CLEC20A: variants seen among roughly 807,000 people sequenced by gnomAD.
The protein encoded by CLEC20A is C-type lectin domain containing 20A, also known as putative C-type lectin domain family 20 member A.
exon 7 of CLEC20A, chr1:178,482,345 G>A (rs1013714773): frequency 7.5e-6 from 3 of 398,468 alleles, no homozygotes; most frequent in Non-Finnish European, 1.3e-5. Context: ...TCTCTTCTGG[G>A]TCCATCAGAG....
intron 7 of CLEC20A, chr1:178,481,546 GTATT>G (rs1648986864): frequency 6.6e-6 from 1 of 152,154 alleles, no homozygotes; most frequent in Non-Finnish European, 1.5e-5. Flanking sequence ...TTTTCTCTCA[GTATT>G]TAGGAACAAT....
intron 1 of CLEC20A, 154 bp downstream of exon 1, chr1:178,496,746 C>A (rs1649403496): frequency 5.0e-6 from 2 of 397,870 alleles, no homozygotes; most frequent in East Asian, 7.1e-5. Context: ...CCCTTCCCAA[C>A]CCTGTTCTGA....
intron 7 of CLEC20A, chr1:178,481,376 C>T (rs1214696620): frequency 6.6e-6 from 1 of 152,110 alleles, no homozygotes; most frequent in Non-Finnish European, 1.5e-5. Context: ...GAATAAATTG[C>T]AATGAACTAA....
At chr1:178,492,350 A>G (rs971341939) in intron 3 of CLEC20A, among the ~76,000 whole-genome samples, 151 bp downstream of exon 3, 3 of 152,190 alleles carry the variant, frequency 2.0e-5, no homozygotes, top group African/African-American at 7.2e-5. Flanking sequence ...AGGGGGCAGC[A>G]AATTCTGGAA....
At chr1:178,497,800 T>C (rs1310784351), upstream of CLEC20A, among the ~76,000 whole-genome samples, 1 of 152,038 alleles carries the variant, frequency 6.6e-6, no homozygotes, top group Non-Finnish European at 1.5e-5. Context: ...GCAACATGGA[T>C]CTGGTAATTA....
rs552791387 is a variant in CLEC20A at position 178,493,664 on chromosome 1, A to C, written c.397+790T>G. On this transcript the variant is annotated intron_variant, in intron 2 of 7. Transcript: ENST00000623247. ...GGATTTCCCGCAAAGATGCCCGAAG[A>C]GTTGGCTCCCACTGCCCACTTAGCG... 3 of 152,410 alleles carry C rather than the reference A, an allele frequency of 2.0e-5. No homozygotes were observed. In the East Asian group the frequency reaches 5.8e-4, roughly 29 times the overall value. The allele number at this position is 152,410 out of a possible 1,614,324, so 9.4% of individuals were successfully genotyped here.
chr1:178,499,502 G>C (rs1649481800), upstream of CLEC20A: 1 of 127,830 alleles, frequency 7.8e-6, no homozygotes. Flanking sequence ...AGAAGAACAC[G>C]GAAAAACTAG....
At chr1:178,484,742 G>A (rs1649091104) in intron 5 of CLEC20A, 1 of 152,180 alleles carries the variant, frequency 6.6e-6, no homozygotes, top group Admixed American at 6.6e-5. Context: ...CTTTGCATTT[G>A]TGTGATTCAG....
chr1:178,499,369 T>C (rs1649476445), upstream of CLEC20A, among the ~76,000 whole-genome samples: 1 of 152,234 alleles, frequency 6.6e-6, no homozygotes, highest in African/African-American at 2.4e-5. Flanking sequence ...TGGGTGTGTC[T>C]GTGAGGGTGT....
intron 3 of CLEC20A, 76 bp from the exon 4 acceptor site, chr1:178,490,513 G>T: frequency 2.5e-6 from 1 of 398,018 alleles, no homozygotes; most frequent in Non-Finnish European, 4.4e-6. Context: ...CACCCTTGGG[G>T]ATAGAATTTT....
At chr1:178,488,978 G>T (rs1649215709) in intron 4 of CLEC20A, among the ~76,000 whole-genome samples, 1 of 152,116 alleles carries the variant, frequency 6.6e-6, no homozygotes, top group Non-Finnish European at 1.5e-5. Flanking sequence ...GGTGGGGGGG[G>T]CGGTGATGAA....
At chr1:178,484,412 G>C (rs1476176498) in intron 5 of CLEC20A, 1 of 152,124 alleles carries the variant, frequency 6.6e-6, no homozygotes, top group Non-Finnish European at 1.5e-5. Flanking sequence ...CTTTTGGCTA[G>C]GTGTGATGGC....
chr1:178,491,781 A>C (rs1449854910), intron 3 of CLEC20A, among the ~76,000 whole-genome samples: 2 of 152,222 alleles, frequency 1.3e-5, no homozygotes, highest in Non-Finnish European at 2.9e-5. Context: ...TTTAAAAGAC[A>C]CCAATGCAGT....
chr1:178,480,950 A>AT (rs1648957254), intron 7 of CLEC20A: 1 of 152,122 alleles, frequency 6.6e-6, no homozygotes, highest in Non-Finnish European at 1.5e-5. Flanking sequence ...CCAAAAAAAA[A>AT]GAAAAGGTTC....
chr1:178,490,496 C>G (rs182245257), intron 3 of CLEC20A, 59 bp from the exon 4 acceptor site: 16 of 398,258 alleles, frequency 4.0e-5, no homozygotes, highest in Admixed American at 1.8e-4. Flanking sequence ...GACAGCCCAG[C>G]CTTCATCACC....
intron 5 of CLEC20A, chr1:178,486,505 G>T: frequency 2.5e-6 from 1 of 398,844 alleles, no homozygotes. Flanking sequence ...AGAGTCAGGG[G>T]GTGCAGTTGT....
intron 5 of CLEC20A, among the ~76,000 whole-genome samples, chr1:178,487,820 A>G (rs1354490258): frequency 1.3e-5 from 2 of 152,252 alleles, no homozygotes; most frequent in Non-Finnish European, 2.9e-5. Flanking sequence ...TGTGTCCTCA[A>G]AAAAAGACAA....
chr1:178,497,281 C>T, upstream of CLEC20A: 2 of 281,124 alleles, frequency 7.1e-6, no homozygotes, highest in East Asian at 6.0e-5. Flanking sequence ...CAGCCCCACT[C>T]TCCCCAAGGC....
chr1:178,479,304 A>G (rs1648880703), exon 8 of CLEC20A: 1 of 338,598 alleles, frequency 3.0e-6, no homozygotes, highest in African/African-American at 2.1e-5. Context: ...GTCATTCCCA[A>G]CATGATTGTT....
Sources: gnomAD v4.1 joint callset for allele counts (sites outside exome capture counted in the v4.1 genomes callset) on GRCh38, gnomAD v4.1.1 for gene constraint, MANE v1.5 for transcripts, NCBI Gene and HGNC (gene_info 2026-07-23, HGNC 2026-07-21) for gene names.